Variants in POTEF observed in about 807,000 individuals in gnomAD.
POTEF encodes the protein POTE ankyrin domain family member F.
POTEF carries 20 observed loss-of-function variants against 83.2 expected under a neutral mutation model. The observed-to-expected ratio is 0.24, with a 90% CI of 0.17 to 0.35. The LOEUF (loss-of-function observed/expected upper bound fraction) is 0.35, where lower values mean the gene tolerates loss of function less well. POTEF is among the 10% of genes least tolerant of loss of function. The pLI is 1.00. For missense variants in POTEF, 550 were observed against 1,203.2 expected (o/e 0.46, Z 8.03); for synonymous variants, 196 against 446.4 (o/e 0.44, Z 7.07).
chr2:130,124,978 TAAATA>T (rs953629393), intron 2 of POTEF, among the ~76,000 whole-genome samples: 2 of 151,478 alleles, frequency 1.3e-5, no homozygotes, highest in African/African-American at 2.4e-5. Flanking sequence ...CTCACTCTCT[TAAATA>T]ATTTTGCCAC....
intron 12 of POTEF, among the ~76,000 whole-genome samples, chr2:130,092,877 G>T (rs1239034900): frequency 1.1e-5 from 1 of 88,114 alleles, no homozygotes; most frequent in South Asian, 3.3e-4. Context: ...GGACCTCCCA[G>T]AGCAGGGCTC....
chr2:130,104,719 G>C (rs1243566699), intron 8 of POTEF, among the ~76,000 whole-genome samples: 1 of 151,170 alleles, frequency 6.6e-6, no homozygotes, highest in Admixed American at 6.6e-5. Flanking sequence ...TTCCCTAAAA[G>C]GAACAACTCC....
At chr2:130,104,611 C>T (rs1471429466) in intron 8 of POTEF, among the ~76,000 whole-genome samples, 10 of 151,628 alleles carry the variant, frequency 6.6e-5, no homozygotes, top group Non-Finnish European at 1.3e-4. Context: ...TGAAGTCAAG[C>T]AGGGCACTCT....
Position 130,121,125 on chromosome 2 carries a change from G to A in POTEF, c.-93-517C>T, listed in dbSNP as rs949654820. On this transcript the variant is annotated intron_variant, in intron 2 of 16. Transcript: ENST00000409914. ...CTGCTGCCGGGCGTGTGCGCGCGGC[G>A]TGCGCGTGCGCGTGCGGCGTGCTTA... 3.3e-5 allele frequency among the ~76,000 whole-genome samples: 5 copies of A among 150,782 alleles called. 1 individual carries two copies. Among genetic ancestry groups the A allele is most frequent in the African/African-American group, 9.9e-5 (4 of 40,510 alleles).
chr2:130,084,134 A>G (rs1683963887), intron 15 of POTEF, among the ~76,000 whole-genome samples: 1 of 125,220 alleles, frequency 8.0e-6, no homozygotes, highest in Non-Finnish European at 1.6e-5. Context: ...AGAAATGCAG[A>G]AAATAATCTT....
chr2:130,109,594 A>G (rs1684648708), intron 7 of POTEF: 1 of 151,338 alleles, frequency 6.6e-6, no homozygotes, highest in Non-Finnish European at 1.5e-5. Context: ...ACAGGATATA[A>G]AGGTGCCTCA....
At chr2:130,111,447 G>C (rs1374736011) in intron 6 of POTEF, among the ~76,000 whole-genome samples, 1 of 151,982 alleles carries the variant, frequency 6.6e-6, no homozygotes, top group Non-Finnish European at 1.5e-5. Context: ...AAATACACTG[G>C]AAAAACAAAA....
chr2:130,124,728 G>A (rs1378801637), intron 2 of POTEF, among the ~76,000 whole-genome samples: 1 of 99,932 alleles, frequency 1.0e-5, no homozygotes, highest in Non-Finnish European at 2.1e-5. Flanking sequence ...GGAAAACAGA[G>A]GTTTCTCCTA....
intron 8 of POTEF, among the ~76,000 whole-genome samples, chr2:130,102,806 CTA>C (rs1684410560): frequency 6.6e-6 from 1 of 151,670 alleles, no homozygotes. Context: ...AAAACTGTCA[CTA>C]TATGATTAAC....
In POTEF at chr2:130,074,890, T is replaced by C. The variant is rs1446646350; in HGVS notation, c.2582A>G (p.His861Arg). The change falls in exon 17 of 17, where the codon CAC (histidine) becomes CGC (arginine). Residue 861 changes from histidine to arginine, a missense_variant. By Grantham distance (29) the His-to-Arg change is conservative. Transcript: ENST00000409914. ...ATTCCCCTCATAGATGGGCACAGTG[T>C]GGGTGACCCCGTCACCAGAGTCCAT... ...IVMDSGDGVT[H>R]TVPIYEGNAL... The C allele has an allele frequency of 8.2e-6, 13 of 1,586,328 alleles. No homozygotes were observed. The highest frequency in any genetic ancestry group is 1.1e-5 in the Non-Finnish European group (13 of 1,166,588).
At chr2:130,128,868 T>TC (rs1398310519) in intron 1 of POTEF, among the ~76,000 whole-genome samples, 55 of 73,632 alleles carry the variant, frequency 7.5e-4, no homozygotes, top group African/African-American at 2.1e-3. Flanking sequence ...ACAACCTGCC[T>TC]CCCCCCCATC....
rs554941664 is a variant in POTEF, at chr2:130,117,395, T to C, written c.522-2067A>G. Among the ~76,000 whole-genome samples the C allele has an allele frequency of 4.2e-3, 641 of 151,968 alleles. 6 individuals carry two copies. Among genetic ancestry groups the C allele is most frequent in the African/African-American group, 0.014 (596 of 41,304 alleles). On this transcript the variant is annotated intron_variant, in intron 3 of 16. Coordinates refer to ENST00000409914, the MANE Select transcript of POTEF (RefSeq NM_001099771.2). The stretch of plus-strand genomic sequence containing the variant: ...ATATTCCTTCTCTTCCCAAGGATTA[T>C]TGCATTACTAATGAACTTTAACTAA...
intron 15 of POTEF, among the ~76,000 whole-genome samples, chr2:130,083,325 ACT>A (rs1341336209): frequency 6.6e-6 from 1 of 152,088 alleles, no homozygotes; most frequent in Non-Finnish European, 1.5e-5. Context: ...ACAAAGTGAG[ACT>A]CTGTCTTAAA....
intron 15 of POTEF, among the ~76,000 whole-genome samples, chr2:130,084,145 AT>A (rs1683964224): frequency 8.0e-6 from 1 of 125,282 alleles, no homozygotes; most frequent in African/African-American, 3.4e-5. Context: ...AAATAATCTT[AT>A]TTTATAAATG....
chr2:130,096,949 GAAAA>G, intron 11 of POTEF, among the ~76,000 whole-genome samples: 1 of 39,440 alleles, frequency 2.5e-5, no homozygotes. Flanking sequence ...CTCAAAAAAA[GAAAA>G]AGAAAAAGTC....
At chr2:130,118,444 C>T (rs975386775) in intron 3 of POTEF, among the ~76,000 whole-genome samples, 13 of 100,646 alleles carry the variant, frequency 1.3e-4, no homozygotes, top group Non-Finnish European at 2.3e-4. Context: ...CGCCTGTAAC[C>T]CCAGCACTTG....
At chr2:130,107,464 A>G (rs1457931984) in intron 8 of POTEF, among the ~76,000 whole-genome samples, 2 of 150,888 alleles carry the variant, frequency 1.3e-5, no homozygotes, top group Non-Finnish European at 2.9e-5. Flanking sequence ...GGGGTCCTCA[A>G]CTCCCAGGCC....
chr2:130,109,704 G>A (rs1245177499), intron 7 of POTEF: 13 of 150,520 alleles, frequency 8.6e-5, no homozygotes, highest in Non-Finnish European at 2.9e-5. Flanking sequence ...CCTAACATCT[G>A]CCAGAGAAAA....
At chr2:130,101,036 A>C (rs1323354263) in intron 9 of POTEF, among the ~76,000 whole-genome samples, 7 of 143,058 alleles carry the variant, frequency 4.9e-5, no homozygotes, top group Admixed American at 4.3e-4. Context: ...GTTTGGACTA[A>C]ACTTAATTTG....
Sources: gnomAD v4.1 joint callset for allele counts (sites outside exome capture counted in the v4.1 genomes callset) on GRCh38, gnomAD v4.1.1 for gene constraint, MANE v1.5 for transcripts, NCBI Gene and HGNC (gene_info 2026-07-23, HGNC 2026-07-21) for gene names.